Variants in TUBE1 observed in about 807,000 individuals in gnomAD.
TUBE1 encodes tubulin epsilon chain.
Under a neutral mutation model 53.5 loss-of-function variants are expected in TUBE1, and 34 were observed. That is an observed-to-expected ratio of 0.64 (90% CI 0.48 to 0.85). TUBE1 has a LOEUF of 0.85. Among genes scored for constraint, TUBE1 ranks in the 40% least tolerant of loss-of-function variants. TUBE1 has a pLI of 0.00. For synonymous variants in TUBE1, 177 were observed against 198.4 expected (o/e 0.89, Z 0.91); for missense variants, 532 against 570.5 (o/e 0.93, Z 0.69).
At position 112,087,457 on chromosome 6, in the gene TUBE1, G is replaced by A. The variant is rs1057243564; in HGVS notation, c.-23C>T. 3.2e-6 allele frequency: 5 copies of A among 1,549,128 alleles called. No individual in the cohort carries two copies. Among genetic ancestry groups the A allele is most frequent in the East Asian group, 4.9e-5 (2 of 40,874 alleles). On this transcript the variant is annotated 5_prime_UTR_variant, in exon 1 of 12. Transcript: ENST00000368662. Reference sequence around the variant, plus strand: ...CATGGTGGTGCGCCGCCGGCTCCGGGAGCTTGCTAGCCCGCGGCCGCTTCT... The same window carrying A: ...CATGGTGGTGCGCCGCCGGCTCCGGAAGCTTGCTAGCCCGCGGCCGCTTCT...
chr6:112,079,369 A>G (rs1252552644), intron 6 of TUBE1: 1 of 278,970 alleles, frequency 3.6e-6, no homozygotes, highest in East Asian at 6.6e-5. Context: ...CTAAAGGTAC[A>G]AGAAAAAAAA....
rs114259868 is a variant in TUBE1 at position 112,078,781 on chromosome 6, C to T, written c.448+852G>A. ...CACAGAAACAAATTTGTTTCTTAAC[C>T]GATGATTATGAGGATCTTTTAAAGA... On this transcript the variant is annotated intron_variant, in intron 6 of 11. Transcript: ENST00000368662. 6.8e-3 allele frequency: 1,030 copies of T among 151,980 alleles called. 8 individuals are homozygous for T. The highest frequency in any genetic ancestry group is 0.024 in the African/African-American group (989 of 41,508). 9.4% of individuals were successfully genotyped at this position (151,980 alleles called of 1,614,324 possible).
At chr6:112,085,483 G>A (rs1777134118) in intron 3 of TUBE1, 1 of 343,058 alleles carries the variant, frequency 2.9e-6, no homozygotes, top group South Asian at 2.3e-5. Context: ...GTAACAAGAA[G>A]TAAAGAGGTG....
chr6:112,085,735 T>C (rs1554317244), intron 3 of TUBE1: 1 of 471,052 alleles, frequency 2.1e-6, no homozygotes, highest in Admixed American at 2.4e-5. Flanking sequence ...AGCTTTTCAG[T>C]TAGATTTCCT....
At chr6:112,085,828 C>A in intron 3 of TUBE1, 1 of 393,662 alleles carries the variant, frequency 2.5e-6, no homozygotes, top group South Asian at 1.9e-5. Flanking sequence ...CTGAACCCAT[C>A]TCGAGATGCC....
chr6:112,085,901 G>A (rs955076263), intron 3 of TUBE1, among the ~76,000 whole-genome samples: 10 of 152,168 alleles, frequency 6.6e-5, no homozygotes, highest in Admixed American at 1.3e-4. Flanking sequence ...CCCAGGAAGC[G>A]CGGACTAATC....
chr6:112,084,227 T>C lies in TUBE1; in HGVS notation c.172A>G (p.Ser58Gly). 6.2e-7 allele frequency: 1 copy of C among 1,613,460 alleles called. No homozygotes were observed. Among genetic ancestry groups the C allele is most frequent in the Non-Finnish European group, 8.5e-7 (1 of 1,179,480 alleles). ...GAACATATTTTTCCCTTGGAAATAC[T>C]TCCACCATCACCAACCACTCTGAAA... is the stretch of plus-strand genomic sequence containing the variant. ...VDTRVVGDGG[S>G]ISKGKICSLK... is the part of the protein sequence containing the mutation. The change falls in exon 4 of 12, where the codon AGT becomes GGT. Residue 58 changes from serine (S) to glycine (G), a missense_variant. Ser to Gly is a moderately conservative substitution (Grantham distance 56). Coordinates refer to ENST00000368662, the MANE Select transcript of TUBE1 (RefSeq NM_016262.5).
chr6:112,076,700 T>C, intron 6 of TUBE1, 191 bp from the exon 7 acceptor site: 1 of 429,390 alleles, frequency 2.3e-6, no homozygotes, highest in Non-Finnish European at 4.1e-6. Flanking sequence ...CTCCCAAGTA[T>C]CTGGGACCGC....
At chr6:112,078,323 C>T (rs1337858602) in intron 6 of TUBE1, 1 of 151,890 alleles carries the variant, frequency 6.6e-6, no homozygotes, top group African/African-American at 2.4e-5. Flanking sequence ...AACTAAACAC[C>T]ATAAACACTT....
Position 112,072,810 on chromosome 6 carries a change from G to C in TUBE1, c.1042C>G (p.Leu348Val), listed in dbSNP as rs199609481. ...PKHSLYLACA[L>V]MVRGNVQISD... ...ATTTGTACATTTCCTCTAACCATGA[G>C]TGCACAGGCGAGGTAAAGACTGTGT... is the stretch of plus-strand genomic sequence containing the variant. Residue 348 changes from leucine (L) to valine (V), a missense_variant, in exon 10 of 12, where the codon CTC (leucine) becomes GTC (valine). Physicochemically the swap from Leu to Val is conservative, Grantham distance 32. Transcript: ENST00000368662. The C allele has an allele frequency of 1.7e-5, 28 of 1,613,590 alleles. No individual in the cohort carries two copies. Among genetic ancestry groups the C allele is most frequent in the Middle Eastern group, 3.3e-4 (2 of 5,998 alleles).
chr6:112,077,559 T>C (rs1776992918), intron 6 of TUBE1: 1 of 152,132 alleles, frequency 6.6e-6, no homozygotes, highest in Admixed American at 6.5e-5. Context: ...CATGTGTGTA[T>C]GCTGCATTGT....
At chr6:112,084,799 C>G (rs782211922) in intron 3 of TUBE1, among the ~76,000 whole-genome samples, 1 of 152,178 alleles carries the variant, frequency 6.6e-6, no homozygotes, top group East Asian at 1.9e-4. Flanking sequence ...GCAGTTAACA[C>G]CCATCAACTG....
chr6:112,072,536 CAT>C (rs1776886588), intron 10 of TUBE1, among the ~76,000 whole-genome samples: 1 of 151,962 alleles, frequency 6.6e-6, no homozygotes, highest in African/African-American at 2.4e-5. Context: ...TAAAATAAAA[CAT>C]GTCATATATC....
rs781852151 is a variant in TUBE1 at position 112,087,318 on chromosome 6, G to A, written c.26-12C>T. 15 of 1,552,160 alleles carry A rather than the reference G, an allele frequency of 9.7e-6. No individual in the cohort carries two copies. The South Asian group carries it at 1.5e-4, about 16-fold the overall frequency. On this transcript the variant is annotated splice_polypyrimidine_tract_variant and intron_variant, in intron 1 of 11. Coordinates refer to ENST00000368662, the MANE Select transcript of TUBE1 (RefSeq NM_016262.5). The stretch of plus-strand genomic sequence containing the variant: ...TCCGCACTGGCCGACTGCGACCGGA[G>A]GAGAGGAAGGAAAGAGAATAGGACA...
rs782547182 is a variant in TUBE1, at chr6:112,087,319, G to A, written c.26-13C>T. The A allele has an allele frequency of 3.2e-6, 5 of 1,552,174 alleles. No homozygotes were observed. Among genetic ancestry groups the A allele is most frequent in the South Asian group, 2.4e-5 (2 of 84,090 alleles). On this transcript the variant is annotated splice_polypyrimidine_tract_variant and intron_variant, in intron 1 of 11. Coordinates refer to ENST00000368662, the MANE Select transcript of TUBE1 (RefSeq NM_016262.5). Reference sequence around the variant, plus strand: ...CCGCACTGGCCGACTGCGACCGGAGGAGAGGAAGGAAAGAGAATAGGACAT... The same window carrying A: ...CCGCACTGGCCGACTGCGACCGGAGAAGAGGAAGGAAAGAGAATAGGACAT...
intron 11 of TUBE1, 126 bp from the exon 12 acceptor site, chr6:112,071,696 G>C (rs587667813): frequency 5.5e-5 from 54 of 981,334 alleles, no homozygotes; most frequent in Admixed American, 1.2e-4. Context: ...AAGAGAACTT[G>C]TGTCAAATTG....
intron 4 of TUBE1, among the ~76,000 whole-genome samples, chr6:112,082,409 C>G (rs1777085094): frequency 6.6e-6 from 1 of 152,094 alleles, no homozygotes; most frequent in Non-Finnish European, 1.5e-5. Context: ...AAAGAAAAAG[C>G]AAATTGGATT....
intron 3 of TUBE1, 116 bp from the exon 4 acceptor site, chr6:112,084,362 A>G (rs1046166554): frequency 1.8e-5 from 14 of 768,626 alleles, no homozygotes; most frequent in Non-Finnish European, 3.1e-5. Context: ...CAGGTAAGGC[A>G]GACACAACAG....
intron 6 of TUBE1, chr6:112,078,439 T>A (rs1385930380): frequency 6.6e-6 from 1 of 152,038 alleles, no homozygotes; most frequent in African/African-American, 2.4e-5. Flanking sequence ...AAAGTTACAG[T>A]ATAGTATATA....
Sources: allele counts gnomAD v4.1 joint callset (sites outside exome capture counted in the v4.1 genomes callset), GRCh38; gene constraint gnomAD v4.1.1; transcripts MANE v1.5; gene names NCBI Gene and HGNC (gene_info 2026-07-23, HGNC 2026-07-21).